Variants in RNF31 observed in about 807,000 individuals in gnomAD.
RNF31 encodes E3 ubiquitin-protein ligase RNF31.
A neutral mutation model predicts 133.6 loss-of-function variants in RNF31; 38 were observed. That is an observed-to-expected ratio of 0.28 (90% CI 0.22 to 0.37). The LOEUF is 0.37. Ranked by LOEUF, RNF31 falls within the 10% of genes least tolerant of loss-of-function variation. The probability of loss-of-function intolerance (pLI) is 1.00; values close to 1 mark genes in which losing one functional copy is unlikely to be tolerated. For synonymous variants in RNF31, 582 were observed against 552.3 expected (o/e 1.05, Z -0.75); for missense variants, 1,118 against 1,394.1 (o/e 0.80, Z 3.15).
intron 18 of RNF31, among the ~76,000 whole-genome samples, chr14:24,159,071 A>G (rs973926858): frequency 2.8e-5 from 4 of 145,204 alleles, no homozygotes; most frequent in Non-Finnish European, 6.0e-5. Context: ...GTGGCTGGGC[A>G]CGGTGGCTCA....
chr14:24,150,000 A>T, intron 6 of RNF31, 61 bp from the exon 7 acceptor site: 1 of 1,509,158 alleles, frequency 6.6e-7, no homozygotes, highest in Non-Finnish European at 8.8e-7. Context: ...GAATGCTTAG[A>T]GGTGAGGGAT....
chr14:24,152,426 CTTAT>C (rs1555347861), intron 11 of RNF31, among the ~76,000 whole-genome samples: 1 of 107,204 alleles, frequency 9.3e-6, no homozygotes, highest in Non-Finnish European at 1.9e-5. Context: ...TATTTATTTA[CTTAT>C]TTATTTTTTT....
At position 24,160,487 on chromosome 14, in the gene RNF31, T is replaced by G; in HGVS notation, c.3166-33T>G. 6.4e-7 allele frequency: 1 copy of G among 1,568,308 alleles called. No homozygotes were observed. Among genetic ancestry groups the G allele is most frequent in the Non-Finnish European group, 8.7e-7 (1 of 1,152,862 alleles). The stretch of plus-strand genomic sequence containing the variant: ...GCTGACTGTGTCTGAGCTCCAGGCT[T>G]CCAATATCATTACCTTCTCTCTCCT... On this transcript the variant is annotated intron_variant, in intron 20 of 20. Coordinates refer to ENST00000324103, the MANE Select transcript of RNF31 (RefSeq NM_017999.5). The surrounding 1 kb of genome is among the most constrained non-coding windows in gnomAD (Gnocchi z 4.0).
At position 24,155,713 on chromosome 14, in the gene RNF31, C is replaced by A; in HGVS notation, c.2493+21C>A. The A allele has an allele frequency of 6.2e-7, 1 of 1,605,272 alleles. No individual in the cohort carries two copies. The highest frequency in any genetic ancestry group is 8.5e-7 in the Non-Finnish European group (1 of 1,172,426). On this transcript the variant is annotated intron_variant, in intron 14 of 20. Coordinates refer to ENST00000324103, the MANE Select transcript of RNF31 (RefSeq NM_017999.5). This position sits in a 1 kb window ranked among gnomAD's most constrained non-coding sequence, Gnocchi z 4.9. ...GCCAGGTGAGGCACATTCATCCTTT[C>A]AGAAATACTTGCTGAGCTACTGCCA...
chr14:24,146,934 G>T (rs77352948), upstream of RNF31: 13,030 of 346,610 alleles, frequency 0.038, 393 homozygotes, highest in African/African-American at 0.098. Flanking sequence ...TATGGCAAAG[G>T]GGGTATTCAG....
rs569705519 is a variant in RNF31, at chr14:24,148,961, CCTTT to C, written c.631+86_631+89del. 280 of 1,194,232 alleles carry C rather than the reference CCTTT, an allele frequency of 2.3e-4. 2 individuals are homozygous for C. In the East Asian group the frequency reaches 6.4e-3, roughly 27 times the overall value. 74.0% of individuals were successfully genotyped at this position (1,194,232 alleles called of 1,614,324 possible). ...GCTCCTCTGTCTTCTTGGTTATCTTCCTTTGTGTTTGTTTGTTTTGAGACGGAGT... is the reference window on the plus strand; with the variant it reads ...GCTCCTCTGTCTTCTTGGTTATCTTCGTGTTTGTTTGTTTTGAGACGGAGT... On this transcript the variant is annotated intron_variant, in intron 5 of 20. Transcript: ENST00000324103.
rs879497227 is a variant in RNF31, at chr14:24,148,367, C to T, written c.449C>T (p.Thr150Ile). ...GATGAGCACCAGGTTGCTACAGTCACACTGGAAGTACTGCTGCTTCGGACA... is the reference window on the plus strand; with the variant it reads ...GATGAGCACCAGGTTGCTACAGTCATACTGGAAGTACTGCTGCTTCGGACA... ...EPDEHQVATV[T>I]LEVLLLRTEL... The change falls in exon 3 of 21, where the codon ACA becomes ATA. Residue 150 changes from threonine to isoleucine, a missense_variant. By Grantham distance (89) the Thr-to-Ile change is moderately conservative. Around this residue, in one of 3 missense-constraint regions of RNF31, gnomAD observed 747 missense variants for 827.9 expected, o/e 0.90. Coordinates refer to ENST00000324103, the MANE Select transcript of RNF31 (RefSeq NM_017999.5). 1 of 1,614,204 alleles carries T rather than the reference C, an allele frequency of 6.2e-7. No homozygotes were observed. The highest frequency in any genetic ancestry group is 1.7e-5 in the Admixed American group (1 of 60,032).
At position 24,157,553 on chromosome 14, in the gene RNF31, C is replaced by T; in HGVS notation, c.2642C>T (p.Ala881Val). 1 of 1,614,180 alleles carries T rather than the reference C, an allele frequency of 6.2e-7. No individual in the cohort carries two copies. Among genetic ancestry groups the T allele is most frequent in the Non-Finnish European group, 8.5e-7 (1 of 1,180,040 alleles). ...CPKCKFSYALARGGCMHFHCT... is the reference protein window; with the variant it reads ...CPKCKFSYALVRGGCMHFHCT... The stretch of plus-strand genomic sequence containing the variant: ...AAATGCAAGTTCTCGTACGCCCTGG[C>T]CCGAGGAGGCTGCATGCACTTTCAC... Residue 881 changes from alanine (A) to valine (V), a missense_variant, in exon 16 of 21, where the codon GCC (alanine) becomes GTC (valine). Physicochemically the swap from Ala to Val is moderately conservative, Grantham distance 64. Around this residue, in one of 3 missense-constraint regions of RNF31, gnomAD observed 201 missense variants for 371.7 expected, o/e 0.54. Transcript: ENST00000324103.
chr14:24,154,921 T>C, intron 11 of RNF31: 1 of 557,892 alleles, frequency 1.8e-6, no homozygotes, highest in South Asian at 2.3e-5. Flanking sequence ...GGAATATGAA[T>C]GTTTTTATAG....
intron 18 of RNF31, chr14:24,158,766 T>G (rs573351859): frequency 4.0e-3 from 617 of 152,566 alleles, no homozygotes; most frequent in African/African-American, 9.5e-3. Context: ...GCCGGGCACA[T>G]TGGCTCATGC....
rs2139080060 is a variant in RNF31, at chr14:24,150,810, C to T, written c.1410C>T (p.Pro470=). Residue 470 remains proline, a synonymous_variant, in exon 8 of 21, where the codon CCC becomes CCT. Transcript: ENST00000324103. The part of the protein sequence containing the change: ...GPPRRLSAPL[P]SSCGDPEKQR... ...CACGACGCCTTAGTGCCCCCCTGCC[C>T]AGTTCCTGTGGAGATCCTGAGAAGC... The T allele has an allele frequency of 6.2e-7, 1 of 1,602,852 alleles. No homozygotes were observed.
In RNF31 at chr14:24,155,584, T is replaced by C. The variant is rs200361951; in HGVS notation, c.2404-19T>C. 9 of 1,614,090 alleles carry C rather than the reference T, an allele frequency of 5.6e-6. No individual in the cohort carries two copies. The highest frequency in any genetic ancestry group is 7.6e-6 in the Non-Finnish European group (9 of 1,179,912). On this transcript the variant is annotated intron_variant, in intron 13 of 20. Coordinates refer to ENST00000324103, the MANE Select transcript of RNF31 (RefSeq NM_017999.5). This position sits in a 1 kb window ranked among gnomAD's most constrained non-coding sequence, Gnocchi z 4.9. ...TTCCAGGTCAGGCCTTTGATAACTT[T>C]ATGCTCTTGCACTTCCAGTGCTCCT...
intron 18 of RNF31, 46 bp downstream of exon 18, chr14:24,158,245 G>C (rs774738849): frequency 7.0e-6 from 11 of 1,581,000 alleles, no homozygotes; most frequent in Non-Finnish European, 9.6e-6. Flanking sequence ...GGTGTGCTGG[G>C]CTCCCACCGT....
At position 24,155,334 on chromosome 14, in the gene RNF31, C is replaced by T; in HGVS notation, c.2304+4C>T. On this transcript the variant is annotated splice_donor_region_variant and intron_variant, in intron 12 of 20. Transcript: ENST00000324103. This position sits in a 1 kb window ranked among gnomAD's most constrained non-coding sequence, Gnocchi z 4.9. ...CTTCTCTACCCTTGACATCCAGGTA[C>T]TGCAGCCCCTCTAGGACTCAGGTAC... is the stretch of plus-strand genomic sequence containing the variant. The T allele has an allele frequency of 6.2e-7, 1 of 1,614,188 alleles. No homozygotes were observed. Among genetic ancestry groups the T allele is most frequent in the Non-Finnish European group, 8.5e-7 (1 of 1,180,022 alleles).
At chr14:24,152,213 A>G (rs1331603664) in intron 11 of RNF31, among the ~76,000 whole-genome samples, 5 of 151,946 alleles carry the variant, frequency 3.3e-5, no homozygotes, top group Admixed American at 1.3e-4. Flanking sequence ...GAAAAATTGT[A>G]CTACACTGTA....
At chr14:24,154,506 A>G (rs1395699889) in intron 11 of RNF31, among the ~76,000 whole-genome samples, 1 of 152,138 alleles carries the variant, frequency 6.6e-6, no homozygotes, top group Non-Finnish European at 1.5e-5. Flanking sequence ...TCGAACTCCT[A>G]GCCTCAAGTG....
At position 24,155,549 on chromosome 14, in the gene RNF31, C is replaced by G; in HGVS notation, c.2403+37C>G. 1 of 1,613,048 alleles carries G rather than the reference C, an allele frequency of 6.2e-7. No individual in the cohort carries two copies. The highest frequency in any genetic ancestry group is 8.5e-7 in the Non-Finnish European group (1 of 1,178,972). On this transcript the variant is annotated intron_variant, in intron 13 of 20. Transcript: ENST00000324103. The surrounding 1 kb of genome is among the most constrained non-coding windows in gnomAD (Gnocchi z 4.9). The stretch of plus-strand genomic sequence containing the variant: ...GCCCAGGGCAGCTACTGTGGAGGGG[C>G]AGGGGATGGTTCCAGGTCAGGCCTT...
At chr14:24,152,055 C>T (rs2038275101) in intron 11 of RNF31, 63 bp downstream of exon 11, 6 of 1,481,852 alleles carry the variant, frequency 4.0e-6, no homozygotes, top group African/African-American at 2.8e-5. Context: ...CCCCATCCTA[C>T]CCCAGTCTCC....
chr14:24,158,990 G>A (rs771799221), intron 18 of RNF31, among the ~76,000 whole-genome samples: 103 of 136,214 alleles, frequency 7.6e-4, no homozygotes, highest in Non-Finnish European at 1.3e-3. Flanking sequence ...CAGAGATGGC[G>A]CCACCGCACT....
Sources: allele counts gnomAD v4.1 joint callset (sites outside exome capture counted in the v4.1 genomes callset), GRCh38; gene constraint gnomAD v4.1.1; regional missense constraint gnomAD v4.1.1; non-coding constraint Gnocchi (gnomAD v3.1); transcripts MANE v1.5; gene names NCBI Gene and HGNC (gene_info 2026-07-23, HGNC 2026-07-21).